The following ODF2L variants were observed in gnomAD, a reference collection of about 807,000 sequenced individuals.
The protein encoded by ODF2L is outer dense fiber of sperm tails 2 like, also known as protein BCAP.
Under a neutral mutation model 86.3 loss-of-function variants are expected in ODF2L, and 76 were observed. The observed-to-expected ratio is 0.88, with a 90% CI of 0.73 to 1.07. The LOEUF is 1.07. Among genes scored for constraint, ODF2L ranks in the 50% least tolerant of loss-of-function variants. The pLI, the probability that ODF2L is intolerant of heterozygous loss-of-function variation, is 0.00. For synonymous variants in ODF2L, 241 were observed against 231.3 expected (o/e 1.04, Z -0.38); for missense variants, 748 against 717.4 (o/e 1.04, Z -0.49).
intron 9 of ODF2L, 34 bp from the exon 10 acceptor site, chr1:86,371,187 C>A (rs768752421): frequency 2.4e-6 from 3 of 1,234,258 alleles, no homozygotes; most frequent in Admixed American, 5.5e-5. Flanking sequence ...TTATAAAAGT[C>A]ATAAAAATTT....
intron 11 of ODF2L, among the ~76,000 whole-genome samples, chr1:86,365,297 AT>A (rs1659323575): frequency 6.6e-6 from 1 of 152,214 alleles, no homozygotes; most frequent in Non-Finnish European, 1.5e-5. Context: ...AATAGTAGCC[AT>A]TACGGTTGCT....
Position 86,356,636 on chromosome 1 carries a change from T to A in ODF2L, c.1360-34A>T, listed in dbSNP as rs1041514327. 9 of 1,581,338 alleles carry A rather than the reference T, an allele frequency of 5.7e-6. 1 individual carries two copies. In the African/African-American group the frequency reaches 1.2e-4, roughly 21 times the overall value. On this transcript the variant is annotated intron_variant, in intron 13 of 17. Transcript: ENST00000317336. ...TGGCAGTAGGGAAATAAGTGCAAGA[T>A]CACACATTCAGCATTAATATTTTTA...
chr1:86,393,870 T>C (rs1390459911), intron 1 of ODF2L, among the ~76,000 whole-genome samples: 4 of 152,196 alleles, frequency 2.6e-5, no homozygotes, highest in Non-Finnish European at 4.4e-5. Flanking sequence ...TTCTCAAATA[T>C]AAGTTAGGGT....
chr1:86,395,745 G>A (rs1192171232), intron 1 of ODF2L, among the ~76,000 whole-genome samples: 1 of 152,114 alleles, frequency 6.6e-6, no homozygotes, highest in Non-Finnish European at 1.5e-5. Flanking sequence ...GGAACGGCCC[G>A]GTCAGGACTT....
At chr1:86,386,793 C>T in intron 2 of ODF2L, 122 bp downstream of exon 2, 1 of 517,772 alleles carries the variant, frequency 1.9e-6, no homozygotes, top group East Asian at 3.3e-5. Flanking sequence ...TAAATAAATA[C>T]TAGATTTGGA....
chr1:86,387,984 T>C (rs566445146), intron 1 of ODF2L, among the ~76,000 whole-genome samples: 8 of 152,216 alleles, frequency 5.3e-5, no homozygotes, highest in Admixed American at 5.2e-4. Flanking sequence ...TTGAAGATTA[T>C]TTAAATTAGC....
intron 1 of ODF2L, among the ~76,000 whole-genome samples, chr1:86,390,516 G>A (rs182885708): frequency 6.6e-6 from 1 of 152,142 alleles, no homozygotes; most frequent in East Asian, 1.9e-4. Context: ...ACAGATGCAG[G>A]GATGGTTTAA....
intron 11 of ODF2L, chr1:86,360,799 GA>G: frequency 9.2e-6 from 2 of 217,874 alleles, no homozygotes; most frequent in Non-Finnish European, 1.8e-5. Flanking sequence ...AATGTGCCTA[GA>G]TATGAAAAAT....
At chr1:86,371,926 G>A (rs950925968) in intron 9 of ODF2L, among the ~76,000 whole-genome samples, 5 of 152,030 alleles carry the variant, frequency 3.3e-5, no homozygotes, top group African/African-American at 4.8e-5. Flanking sequence ...GGTGGCTCAC[G>A]CCTGTAATCC....
chr1:86,396,206 G>C (rs977865807), exon 1 of ODF2L: 5 of 152,624 alleles, frequency 3.3e-5, no homozygotes, highest in African/African-American at 1.2e-4. Context: ...GGTAGACTAG[G>C]AAGGAAGGCA....
rs961225840 is a variant in ODF2L, at chr1:86,356,334, T to G, written c.1518+110A>C. ...TGAAAATGATGTTTTACGAACTAAG[T>G]AGATGGGAATTTAAAAATCAAGCCC... On this transcript the variant is annotated intron_variant, in intron 14 of 17. Coordinates refer to ENST00000317336, the Ensembl canonical transcript of ODF2L. 1.2e-5 allele frequency: 9 copies of G among 759,842 alleles called. No individual in the cohort carries two copies. In the African/African-American group the frequency reaches 1.2e-4, roughly 10 times the overall value. The allele number at this position is 759,842 out of a possible 1,614,324, so 47.1% of individuals were successfully genotyped here.
chr1:86,356,410 G>A (rs752491252), intron 14 of ODF2L, 34 bp downstream of exon 13: 27 of 1,546,812 alleles, frequency 1.7e-5, no homozygotes, highest in Admixed American at 5.5e-5. Context: ...TTCTTTTAAC[G>A]CATCTAGCAA....
exon 10 of ODF2L, chr1:86,371,073 A>G: frequency 1.9e-6 from 3 of 1,566,012 alleles, no homozygotes; most frequent in Non-Finnish European, 2.6e-6. Context: ...AATTGAGTGA[A>G]CTTTTCTAAG....
intron 10 of ODF2L, among the ~76,000 whole-genome samples, chr1:86,370,609 G>A (rs1393968484): frequency 6.6e-6 from 1 of 151,898 alleles, no homozygotes; most frequent in Non-Finnish European, 1.5e-5. Context: ...CTCTCCTCTG[G>A]TACCTATGGA....
intron 2 of ODF2L, chr1:86,386,011 A>T (rs1178193642): frequency 2.6e-5 from 4 of 154,164 alleles, no homozygotes; most frequent in African/African-American, 9.6e-5. Flanking sequence ...GAGCCTAAGA[A>T]CATTCTATCT....
downstream of ODF2L, chr1:86,347,305 C>T (rs986589838): frequency 6.6e-6 from 1 of 152,168 alleles, no homozygotes; most frequent in Admixed American, 6.5e-5. Flanking sequence ...GACTAAGATA[C>T]ATTTCGGCCC....
chr1:86,388,675 T>C (rs984842532), intron 1 of ODF2L, among the ~76,000 whole-genome samples: 5 of 152,106 alleles, frequency 3.3e-5, no homozygotes, highest in South Asian at 4.1e-4. Flanking sequence ...TGTAAGAAGA[T>C]AGAAATTTTC....
rs1661289251 is a variant in ODF2L at position 86,391,046 on chromosome 1, T to TA, written c.-59-3961dup. 2.0e-5 allele frequency among the ~76,000 whole-genome samples: 3 copies of TA among 152,118 alleles called. No individual in the cohort carries two copies. The South Asian group carries it at 6.2e-4, about 31-fold the overall frequency. Reference sequence around the variant, plus strand: ...TATACACCAACAGTGACCACGCTGATAATCAAATCAAGAACTCAACCACTT... The same window carrying TA: ...TATACACCAACAGTGACCACGCTGATAAATCAAATCAAGAACTCAACCACTT... On this transcript the variant is annotated intron_variant, in intron 1 of 17. Coordinates refer to ENST00000317336, the Ensembl canonical transcript of ODF2L.
intron 8 of ODF2L, among the ~76,000 whole-genome samples, chr1:86,373,774 A>G (rs1187794525): frequency 6.6e-6 from 1 of 152,082 alleles, no homozygotes; most frequent in Non-Finnish European, 1.5e-5. Context: ...GCCAAGATCT[A>G]TTTTGTAGAG....
Sources: gnomAD v4.1 joint callset for allele counts (sites outside exome capture counted in the v4.1 genomes callset) on GRCh38, gnomAD v4.1.1 for gene constraint, MANE v1.5 for transcripts, NCBI Gene and HGNC (gene_info 2026-07-23, HGNC 2026-07-21) for gene names.